ZMAT4: variants seen among roughly 807,000 people sequenced by gnomAD.
The protein encoded by ZMAT4 is zinc finger matrin-type protein 4.
A neutral mutation model predicts 28.7 loss-of-function variants in ZMAT4; 17 were observed. The observed-to-expected ratio is 0.59, with a 90% CI of 0.41 to 0.89. ZMAT4 has a LOEUF of 0.89. Among genes scored for constraint, ZMAT4 ranks in the 40% least tolerant of loss-of-function variants. The pLI, the probability that ZMAT4 is intolerant of heterozygous loss-of-function variation, is 0.00. For synonymous variants in ZMAT4, 117 were observed against 109.2 expected (o/e 1.07, Z -0.44); for missense variants, 240 against 283.8 (o/e 0.85, Z 1.11).
chr8:40,897,589 T>G (rs1298998038), intron 1 of ZMAT4, 94 bp downstream of exon 1: 1 of 152,200 alleles, frequency 6.6e-6, no homozygotes, highest in African/African-American at 2.4e-5. Flanking sequence ...TCCCAGAAAC[T>G]TTTCTTTCTG....
chr8:40,872,295 C>T (rs1219101441), intron 1 of ZMAT4, among the ~76,000 whole-genome samples: 6 of 152,342 alleles, frequency 3.9e-5, no homozygotes, highest in Non-Finnish European at 8.8e-5. Context: ...GGGGGCATCC[C>T]ACAGAGCACC....
chr8:40,806,448 G>A (rs1815087606), intron 2 of ZMAT4, among the ~76,000 whole-genome samples: 1 of 152,132 alleles, frequency 6.6e-6, no homozygotes, highest in South Asian at 2.1e-4. Context: ...CTAAAGTTTG[G>A]CTTTGGGCAG....
At chr8:40,646,818 T>C (rs1400925002) in intron 5 of ZMAT4, among the ~76,000 whole-genome samples, 1 of 152,160 alleles carries the variant, frequency 6.6e-6, no homozygotes, top group African/African-American at 2.4e-5. Flanking sequence ...CAACAAGAAA[T>C]AAAAGGCTTG....
intron 5 of ZMAT4, among the ~76,000 whole-genome samples, chr8:40,601,846 G>A (rs913255584): frequency 1.3e-5 from 2 of 152,118 alleles, no homozygotes; most frequent in Admixed American, 1.3e-4. Flanking sequence ...TTTGGTACAG[G>A]CAACAGATGT....
chr8:40,735,927 T>C (rs915866205), intron 3 of ZMAT4, among the ~76,000 whole-genome samples: 1 of 152,168 alleles, frequency 6.6e-6, no homozygotes, highest in African/African-American at 2.4e-5. Context: ...AGTAAATTGG[T>C]AGCTGAGATG....
chr8:40,725,336 G>A (rs1585945568), intron 3 of ZMAT4, among the ~76,000 whole-genome samples: 1 of 152,168 alleles, frequency 6.6e-6, no homozygotes, highest in South Asian at 2.1e-4. Context: ...TAGAAACAAA[G>A]CTAATGTAAC....
chr8:40,666,995 T>G (rs1187945406), intron 5 of ZMAT4, among the ~76,000 whole-genome samples: 1 of 152,102 alleles, frequency 6.6e-6, no homozygotes, highest in Non-Finnish European at 1.5e-5. Context: ...AAGTTGAAAG[T>G]TATCAAAACT....
chr8:40,823,106 G>A (rs557930528), intron 2 of ZMAT4, among the ~76,000 whole-genome samples: 3 of 152,034 alleles, frequency 2.0e-5, no homozygotes, highest in African/African-American at 4.8e-5. Flanking sequence ...TGTGGGGCAG[G>A]GTCACCAGTG....
intron 3 of ZMAT4, among the ~76,000 whole-genome samples, chr8:40,766,407 T>C (rs1813161552): frequency 6.6e-6 from 1 of 152,092 alleles, no homozygotes; most frequent in Admixed American, 6.5e-5. Context: ...CATAGTCCAG[T>C]GAGGAAAGTA....
rs770951939 is a variant in ZMAT4, at chr8:40,532,243, A to G, written c.675-5T>C. The G allele has an allele frequency of 1.9e-6, 3 of 1,583,942 alleles. No individual in the cohort carries two copies. The highest frequency in any genetic ancestry group is 3.5e-5 in the Admixed American group (2 of 56,384). The stretch of plus-strand genomic sequence containing the variant: ...TTTCACTACTTATTCTTCAGGCTAT[A>G]AGACAGAAGGAAACACAGTGTTACC... On this transcript the variant is annotated splice_region_variant and splice_polypyrimidine_tract_variant and intron_variant, in intron 6 of 6. Coordinates refer to ENST00000297737, the MANE Select transcript of ZMAT4 (RefSeq NM_024645.3).
At chr8:40,575,026 T>C (rs1409476902) in intron 6 of ZMAT4, among the ~76,000 whole-genome samples, 1 of 152,220 alleles carries the variant, frequency 6.6e-6, no homozygotes, top group Non-Finnish European at 1.5e-5. Flanking sequence ...ATAGCCACTG[T>C]GCCTTTCTAG....
At chr8:40,794,094 G>GTT (rs71224853) in intron 2 of ZMAT4, among the ~76,000 whole-genome samples, 2 of 151,730 alleles carry the variant, frequency 1.3e-5, no homozygotes, top group Admixed American at 6.6e-5. Context: ...TTTTTTTAAT[G>GTT]TTTTTTTTGG....
At position 40,629,406 on chromosome 8, in the gene ZMAT4, T is replaced by A. The variant is rs530530949; in HGVS notation, c.577+45298A>T. Among the ~76,000 whole-genome samples the A allele has an allele frequency of 8.9e-4, 135 of 151,870 alleles. No individual in the cohort carries two copies. In the East Asian group the frequency reaches 0.017, roughly 19 times the overall value. ...TTTGCCTGCAATGGAGTTTTTTTTTTAATTTTATTATTATTATACTTTAAG... is the reference window on the plus strand; with the variant it reads ...TTTGCCTGCAATGGAGTTTTTTTTTAAATTTTATTATTATTATACTTTAAG... On this transcript the variant is annotated intron_variant, in intron 5 of 6. Transcript: ENST00000297737.
chr8:40,801,515 A>G (rs1234884707), intron 2 of ZMAT4, among the ~76,000 whole-genome samples: 2 of 151,668 alleles, frequency 1.3e-5, no homozygotes, highest in African/African-American at 4.8e-5. Flanking sequence ...TAAAAAATAC[A>G]AAAAATTAAC....
intron 2 of ZMAT4, among the ~76,000 whole-genome samples, chr8:40,790,368 A>G (rs1814270847): frequency 6.6e-6 from 1 of 152,224 alleles, no homozygotes; most frequent in Admixed American, 6.5e-5. Context: ...TACAAGATTG[A>G]TATCTAAAAC....
chr8:40,539,577 C>T (rs1006643425), intron 6 of ZMAT4, among the ~76,000 whole-genome samples: 8 of 152,198 alleles, frequency 5.3e-5, no homozygotes, highest in African/African-American at 1.7e-4. Context: ...CATTTAGCCT[C>T]AGTTTATTCA....
At chr8:40,807,807 C>T (rs760650265) in intron 2 of ZMAT4, among the ~76,000 whole-genome samples, 8 of 152,096 alleles carry the variant, frequency 5.3e-5, no homozygotes, top group Non-Finnish European at 8.8e-5. Context: ...TTGATTAGTC[C>T]ATAATTAGCA....
At chr8:40,665,799 T>C (rs2118870694) in intron 5 of ZMAT4, among the ~76,000 whole-genome samples, 1 of 152,324 alleles carries the variant, frequency 6.6e-6, no homozygotes, top group South Asian at 2.1e-4. Context: ...GGGTCTACCC[T>C]GAACTTAGAA....
intron 3 of ZMAT4, among the ~76,000 whole-genome samples, chr8:40,744,266 G>A (rs1384838508): frequency 1.3e-5 from 2 of 152,080 alleles, no homozygotes; most frequent in Non-Finnish European, 2.9e-5. Flanking sequence ...TGAATCCAGG[G>A]AGTCCGTGTC....
Sources: gnomAD v4.1 joint callset for allele counts (sites outside exome capture counted in the v4.1 genomes callset) on GRCh38, gnomAD v4.1.1 for gene constraint, MANE v1.5 for transcripts, NCBI Gene and HGNC (gene_info 2026-07-23, HGNC 2026-07-21) for gene names.